The following NUDCD3 variants were observed in gnomAD, a reference collection of about 807,000 sequenced individuals.
NUDCD3 encodes NudC domain containing 3, also known as nudC domain-containing protein 3.
Under a neutral mutation model 39.7 loss-of-function variants are expected in NUDCD3, and 13 were observed. The ratio of observed to expected loss-of-function variants is 0.33; its 90% confidence interval spans 0.21 to 0.52. The LOEUF is 0.52. Ranked by LOEUF, NUDCD3 falls within the 20% of genes least tolerant of loss-of-function variation. The pLI is 0.96. For synonymous variants in NUDCD3, 175 were observed against 172.4 expected (o/e 1.02, Z -0.12); for missense variants, 453 against 458.1 (o/e 0.99, Z 0.10).
chr7:44,401,186 C>A (rs117834641), intron 4 of NUDCD3, among the ~76,000 whole-genome samples: 2,499 of 152,288 alleles, frequency 0.016, 25 homozygotes, highest in Non-Finnish European at 0.027. Context: ...TCTCTGCATC[C>A]ACACGCTCAA....
chr7:44,414,472 G>T (rs1242786863), intron 3 of NUDCD3, among the ~76,000 whole-genome samples: 1 of 152,182 alleles, frequency 6.6e-6, no homozygotes, highest in African/African-American at 2.4e-5. Flanking sequence ...CACCATCTGT[G>T]CTAAAGGTGG....
intron 3 of NUDCD3, among the ~76,000 whole-genome samples, chr7:44,416,101 T>G (rs1799016724): frequency 6.6e-6 from 1 of 152,196 alleles, no homozygotes; most frequent in South Asian, 2.1e-4. Context: ...ATTTATTTTT[T>G]GAGATAGGGT....
intron 2 of NUDCD3, among the ~76,000 whole-genome samples, chr7:44,442,888 G>A (rs1181244972): frequency 1.3e-5 from 2 of 151,968 alleles, no homozygotes; most frequent in Non-Finnish European, 2.9e-5. Context: ...ATTTTTAGTA[G>A]AGAAGGGGTT....
chr7:44,404,345 A>G (rs1798776697), intron 4 of NUDCD3, 95 bp downstream of exon 4: 2 of 1,278,224 alleles, frequency 1.6e-6, no homozygotes, highest in Non-Finnish European at 2.2e-6. Context: ...TAACAACCTC[A>G]CTGCTTAAGT....
At chr7:44,447,683 T>G (rs373004538) in intron 2 of NUDCD3, among the ~76,000 whole-genome samples, 34 of 152,306 alleles carry the variant, frequency 2.2e-4, no homozygotes, top group African/African-American at 7.5e-4. Context: ...AAATTTTGTA[T>G]AAACACCTGC....
chr7:44,456,124 A>G (rs1430140712), intron 2 of NUDCD3, among the ~76,000 whole-genome samples: 2 of 151,768 alleles, frequency 1.3e-5, no homozygotes, highest in African/African-American at 2.4e-5. Flanking sequence ...TAATGATAGC[A>G]AAGAAAAAAA....
chr7:44,437,600 G>A (rs1799492229), intron 2 of NUDCD3, among the ~76,000 whole-genome samples: 3 of 152,042 alleles, frequency 2.0e-5, no homozygotes, highest in Admixed American at 2.0e-4. Flanking sequence ...CAGGGGTTGG[G>A]GCAGCCCCAC....
intron 3 of NUDCD3, among the ~76,000 whole-genome samples, chr7:44,410,156 A>C (rs915096189): frequency 7.2e-5 from 11 of 152,226 alleles, no homozygotes; most frequent in African/African-American, 2.7e-4. Flanking sequence ...ACACCCAAGA[A>C]GCTCAATGAA....
At chr7:44,468,307 A>G (rs1474456502) in intron 2 of NUDCD3, 1 of 1,518,140 alleles carries the variant, frequency 6.6e-7, no homozygotes, top group Non-Finnish European at 9.0e-7. Context: ...ATGAGTAGAC[A>G]GCTCGTGTGC....
intron 2 of NUDCD3, among the ~76,000 whole-genome samples, chr7:44,477,860 G>A (rs981315753): frequency 4.0e-5 from 5 of 124,526 alleles, no homozygotes; most frequent in Admixed American, 1.0e-4. Context: ...ATGGAGTCTC[G>A]CTCTGCTCTG....
rs17172864 is a variant in NUDCD3, at chr7:44,380,639, A to G, written c.*5372T>C. ...GGTCTCCACACACTGGGTCATTAGT[A>G]CCCACAAGCAATCACTGTTGAGTTC... is the stretch of plus-strand genomic sequence containing the variant. On this transcript the variant is annotated 3_prime_UTR_variant, in exon 6 of 6. Coordinates refer to ENST00000355451, the MANE Select transcript of NUDCD3 (RefSeq NM_015332.4). The G allele has an allele frequency of 0.14, 21,946 of 152,178 alleles. 1,780 individuals are homozygous for G. Among genetic ancestry groups the G allele is most frequent in the Non-Finnish European group, 0.18 (12,315 of 68,028 alleles). The allele number at this position is 152,178 out of a possible 1,614,324, so 9.4% of individuals were successfully genotyped here.
At chr7:44,401,510 G>A (rs1376659715) in intron 4 of NUDCD3, among the ~76,000 whole-genome samples, 1 of 152,158 alleles carries the variant, frequency 6.6e-6, no homozygotes, top group Non-Finnish European at 1.5e-5. Flanking sequence ...GAGTTTAAAT[G>A]CTCTCCATAA....
intron 2 of NUDCD3, chr7:44,467,919 T>C (rs1372586759): frequency 1.2e-6 from 2 of 1,607,262 alleles, no homozygotes; most frequent in Non-Finnish European, 1.7e-6. Flanking sequence ...AGACCCCTTG[T>C]GAAGCCCAAG....
intron 3 of NUDCD3, among the ~76,000 whole-genome samples, chr7:44,421,995 C>G (rs1254179262): frequency 6.6e-6 from 1 of 152,148 alleles, no homozygotes; most frequent in South Asian, 2.1e-4. Flanking sequence ...CACTCAAAAC[C>G]GCACAACTAC....
chr7:44,468,437 G>A, intron 2 of NUDCD3: 1 of 684,554 alleles, frequency 1.5e-6, no homozygotes, highest in Non-Finnish European at 2.4e-6. Flanking sequence ...GCTTATCAGT[G>A]TCAGAGCTAG....
intron 5 of NUDCD3, among the ~76,000 whole-genome samples, chr7:44,388,527 C>T (rs762705775): frequency 5.9e-5 from 9 of 152,244 alleles, no homozygotes; most frequent in Non-Finnish European, 8.8e-5. Flanking sequence ...GAAACCTCTG[C>T]GTGTTGCAAG....
At chr7:44,395,947 G>A (rs1027237310) in intron 4 of NUDCD3, among the ~76,000 whole-genome samples, 9 of 152,108 alleles carry the variant, frequency 5.9e-5, no homozygotes, top group African/African-American at 2.2e-4. Flanking sequence ...GAAGTGCTGG[G>A]TCATATGGTA....
chr7:44,403,321 C>T (rs144813090), intron 4 of NUDCD3, among the ~76,000 whole-genome samples: 36 of 152,354 alleles, frequency 2.4e-4, no homozygotes, highest in African/African-American at 8.7e-4. Flanking sequence ...TAGGGCCTCA[C>T]GTAGGGCCTA....
At chr7:44,386,380 C>G (rs1798403676) in intron 5 of NUDCD3, among the ~76,000 whole-genome samples, 1 of 152,224 alleles carries the variant, frequency 6.6e-6, no homozygotes, top group South Asian at 2.1e-4. Context: ...CCCCAGCAAG[C>G]ACTGGCTCCT....
Sources: allele counts gnomAD v4.1 joint callset (sites outside exome capture counted in the v4.1 genomes callset), GRCh38; gene constraint gnomAD v4.1.1; transcripts MANE v1.5; gene names NCBI Gene and HGNC (gene_info 2026-07-23, HGNC 2026-07-21).